The following ATRNL1 variants were observed in gnomAD, a reference collection of about 807,000 sequenced individuals.
ATRNL1 encodes the protein attractin like 1.
Under a neutral mutation model 182.7 loss-of-function variants are expected in ATRNL1, and 95 were observed. The observed-to-expected ratio is 0.52, with a 90% CI of 0.44 to 0.62. The LOEUF is 0.62. ATRNL1 is among the 20% of genes least tolerant of loss of function. ATRNL1 has a pLI of 0.00. For synonymous variants in ATRNL1, 576 were observed against 568.3 expected, an observed-to-expected ratio of 1.01 and a Z score of -0.19; for missense variants, 1,471 against 1,679.5, an observed-to-expected ratio of 0.88 and a Z score of 2.17.
intron 26 of ATRNL1, among the ~76,000 whole-genome samples, chr10:115,635,008 T>C (rs1858770917): frequency 6.6e-6 from 1 of 152,124 alleles, no homozygotes; most frequent in African/African-American, 2.4e-5. Context: ...TCTCTTAGAT[T>C]CTCTAAAAGA....
intron 24 of ATRNL1, among the ~76,000 whole-genome samples, chr10:115,478,762 A>G (rs61880967): frequency 0.19 from 28,608 of 151,668 alleles, 2,849 homozygotes; most frequent in South Asian, 0.23. Flanking sequence ...AAAGTTATTT[A>G]AAGTATATGA....
At chr10:115,315,208 C>G (rs782167960) in intron 17 of ATRNL1, among the ~76,000 whole-genome samples, 1 of 152,058 alleles carries the variant, frequency 6.6e-6, no homozygotes, top group Non-Finnish European at 1.5e-5. Flanking sequence ...GTCTGTAGGG[C>G]CCTAAAAGTT....
intron 9 of ATRNL1, among the ~76,000 whole-genome samples, chr10:115,223,911 G>A (rs1309557471): frequency 1.3e-3 from 77 of 58,012 alleles, no homozygotes; most frequent in African/African-American, 3.4e-3. Flanking sequence ...GTGTGTGTGT[G>A]TGTATATATA....
chr10:115,587,173 C>A (rs1226754067), intron 26 of ATRNL1, among the ~76,000 whole-genome samples: 5 of 148,920 alleles, frequency 3.4e-5, no homozygotes, highest in Non-Finnish European at 7.5e-5. Flanking sequence ...CAGACAGGGA[C>A]ATTTAAATCT....
At chr10:115,858,322 G>A (rs1951233229) in intron 28 of ATRNL1, among the ~76,000 whole-genome samples, 1 of 152,134 alleles carries the variant, frequency 6.6e-6, no homozygotes, top group Admixed American at 6.5e-5. Context: ...TAAAGAAAAT[G>A]TGGTGGTATA....
chr10:115,255,617 A>G (rs530656169), intron 10 of ATRNL1, among the ~76,000 whole-genome samples: 1 of 152,298 alleles, frequency 6.6e-6, no homozygotes, highest in South Asian at 2.1e-4. Context: ...TTCCTAATTG[A>G]ATACCCTTTA....
chr10:115,585,462 G>A (rs1592898396), intron 26 of ATRNL1, among the ~76,000 whole-genome samples: 1 of 126,434 alleles, frequency 7.9e-6, no homozygotes, highest in East Asian at 2.1e-4. Context: ...ATTTAGGATA[G>A]TTAGCTCTTC....
chr10:115,911,518 C>T (rs1555115907), intron 28 of ATRNL1, among the ~76,000 whole-genome samples: 1 of 152,044 alleles, frequency 6.6e-6, no homozygotes, highest in Non-Finnish European at 1.5e-5. Flanking sequence ...AGGATTTCAC[C>T]ATGTTGGACA....
At chr10:115,827,714 C>CA (rs782682521) in intron 27 of ATRNL1, among the ~76,000 whole-genome samples, 37 of 152,120 alleles carry the variant, frequency 2.4e-4, no homozygotes, top group Non-Finnish European at 4.9e-4. Context: ...AGATTGGCTC[C>CA]ACATGCCACA....
intron 26 of ATRNL1, among the ~76,000 whole-genome samples, chr10:115,574,349 T>A (rs1215543376): frequency 8.8e-6 from 1 of 113,804 alleles, no homozygotes; most frequent in Non-Finnish European, 2.0e-5. Context: ...TACATATATA[T>A]AAATGTATAT....
chr10:115,898,868 C>G (rs945332921), intron 28 of ATRNL1, among the ~76,000 whole-genome samples: 2 of 152,188 alleles, frequency 1.3e-5, no homozygotes, highest in Non-Finnish European at 2.9e-5. Flanking sequence ...GATCTCTACA[C>G]TATATGGCTG....
intron 26 of ATRNL1, among the ~76,000 whole-genome samples, chr10:115,724,903 A>G (rs1555059388): frequency 6.6e-6 from 1 of 152,176 alleles, no homozygotes; most frequent in African/African-American, 2.4e-5. Context: ...AGGGAAAATG[A>G]TGTTCTCTTC....
At chr10:115,798,830 C>T (rs1235857527) in intron 27 of ATRNL1, among the ~76,000 whole-genome samples, 18 of 110,318 alleles carry the variant, frequency 1.6e-4, no homozygotes, top group African/African-American at 1.4e-4. Flanking sequence ...TTTCTTTTTT[C>T]TTTTTTTTTT....
intron 6 of ATRNL1, among the ~76,000 whole-genome samples, chr10:115,162,847 G>T (rs558708836): frequency 6.6e-6 from 1 of 151,956 alleles, no homozygotes; most frequent in South Asian, 2.1e-4. Context: ...AAGGCATTAT[G>T]TGAGGATTAA....
At chr10:115,202,138 C>T (rs1554892538) in intron 8 of ATRNL1, among the ~76,000 whole-genome samples, 1 of 152,094 alleles carries the variant, frequency 6.6e-6, no homozygotes, top group Non-Finnish European at 1.5e-5. Context: ...TGGGCTGAGG[C>T]AATGGGGTTT....
At chr10:115,167,849 T>C (rs79502188) in intron 7 of ATRNL1, among the ~76,000 whole-genome samples, 3,789 of 152,230 alleles carry the variant, frequency 0.025, 158 homozygotes, top group African/African-American at 0.086. Flanking sequence ...AAGTGTACAA[T>C]TCAGTGGTTT....
intron 26 of ATRNL1, among the ~76,000 whole-genome samples, chr10:115,613,615 TA>T (rs1268830845): frequency 6.6e-6 from 1 of 152,194 alleles, no homozygotes; most frequent in African/African-American, 2.4e-5. Flanking sequence ...AGTTATTTTT[TA>T]AAAGTAGTTT....
chr10:115,165,542 C>A lies in ATRNL1; in HGVS notation c.1005-16C>A. 1 of 1,393,814 alleles carries A rather than the reference C, an allele frequency of 7.2e-7. No homozygotes were observed. Among genetic ancestry groups the A allele is most frequent in the Non-Finnish European group, 9.6e-7 (1 of 1,038,026 alleles). The allele number at this position is 1,393,814 out of a possible 1,614,324, so 86.3% of individuals were successfully genotyped here. A position where few individuals can be genotyped will look rare whatever the true frequency, so the allele number is the denominator to read the frequency against. On this transcript the variant is annotated splice_polypyrimidine_tract_variant and intron_variant, in intron 6 of 28. Transcript: ENST00000355044. ...GAATCTTAGCTTATGAAGTTATTTT[C>A]TTTTCTTGCTTTTAGTTACAATTTA...
intron 26 of ATRNL1, among the ~76,000 whole-genome samples, chr10:115,570,343 A>G (rs1854316653): frequency 6.6e-6 from 1 of 151,550 alleles, no homozygotes; most frequent in African/African-American, 2.4e-5. Context: ...CAAAGACCCC[A>G]CCTCCCAACA....
Sources: allele counts gnomAD v4.1 joint callset (sites outside exome capture counted in the v4.1 genomes callset), GRCh38; gene constraint gnomAD v4.1.1; transcripts MANE v1.5; gene names NCBI Gene and HGNC (gene_info 2026-07-23, HGNC 2026-07-21).